The following IL1R1 variants were observed in gnomAD, a reference collection of about 807,000 sequenced individuals.
The protein encoded by IL1R1 is interleukin-1 receptor type 1.
A neutral mutation model predicts 50.2 loss-of-function variants in IL1R1; 22 were observed. The observed-to-expected ratio is 0.44, with a 90% CI of 0.31 to 0.63. IL1R1 has a LOEUF of 0.63. Ranked by LOEUF, IL1R1 falls within the 20% of genes least tolerant of loss-of-function variation. The pLI is 0.07. For synonymous variants in IL1R1, 251 were observed against 236.7 expected, an observed-to-expected ratio of 1.06 and a Z score of -0.55; for missense variants, 509 against 676.2, an observed-to-expected ratio of 0.75 and a Z score of 2.74.
chr2:102,072,219 C>T (rs972462123), intron 1 of IL1R1, among the ~76,000 whole-genome samples: 6 of 149,582 alleles, frequency 4.0e-5, no homozygotes, highest in African/African-American at 1.5e-4. Context: ...GAGATTGTGC[C>T]ATTGCACTCC....
chr2:102,139,628 C>T (rs1470447367), upstream of IL1R1, among the ~76,000 whole-genome samples: 3 of 152,242 alleles, frequency 2.0e-5, no homozygotes, highest in Non-Finnish European at 4.4e-5. Flanking sequence ...GGGCCATCCC[C>T]TTGGTGATAA....
At chr2:102,080,600 C>T (rs1443060749) in intron 1 of IL1R1, among the ~76,000 whole-genome samples, 8 of 152,158 alleles carry the variant, frequency 5.3e-5, no homozygotes, top group East Asian at 3.9e-4. Flanking sequence ...AACTGGTACA[C>T]TCATTTATTA....
At chr2:102,150,506 T>G (rs1287205373) in intron 1 of IL1R1, among the ~76,000 whole-genome samples, 3 of 152,254 alleles carry the variant, frequency 2.0e-5, no homozygotes, top group South Asian at 2.1e-4. Flanking sequence ...CATTTTGTCT[T>G]TAATCAACAA....
At chr2:102,099,637 G>T (rs1472796793), upstream of IL1R1, among the ~76,000 whole-genome samples, 1 of 152,132 alleles carries the variant, frequency 6.6e-6, no homozygotes, top group Non-Finnish European at 1.5e-5. Context: ...GAGCGTGTCT[G>T]AGGGCATTCT....
intron 1 of IL1R1, among the ~76,000 whole-genome samples, chr2:102,112,269 G>C (rs1861282): frequency 0.57 from 86,619 of 150,910 alleles, 25,161 homozygotes; most frequent in Admixed American, 0.6. Flanking sequence ...CGGCAAAACT[G>C]TCCTAAGTGG....
chr2:102,111,577 AG>A (rs1448255777), intron 1 of IL1R1, among the ~76,000 whole-genome samples: 1 of 152,184 alleles, frequency 6.6e-6, no homozygotes, highest in East Asian at 1.9e-4. Flanking sequence ...GGATGATGAG[AG>A]GAAGAAGGAG....
At position 102,171,840 on chromosome 2, in the gene IL1R1, T is replaced by C. The variant is rs1384462006; in HGVS notation, c.761T>C (p.Leu254Ser). 1 of 1,609,118 alleles carries C rather than the reference T, an allele frequency of 6.2e-7. No individual in the cohort carries two copies. The highest frequency in any genetic ancestry group is 8.5e-7 in the Non-Finnish European group (1 of 1,176,294). The change falls in exon 8 of 12, where the codon TTG becomes TCG. Residue 254 changes from leucine to serine, a missense_variant. Physicochemically the swap from Leu to Ser is moderately radical, Grantham distance 145. Coordinates refer to ENST00000410023, the MANE Select transcript of IL1R1 (RefSeq NM_000877.4). ...IQLICNVTGQLSDIAYWKWNG... is the reference protein window; with the variant it reads ...IQLICNVTGQSSDIAYWKWNG... ...TTGATCTGTAATGTCACCGGCCAGTTGAGTGACATTGCTTACTGGAAGTGG... is the reference window on the plus strand; with the variant it reads ...TTGATCTGTAATGTCACCGGCCAGTCGAGTGACATTGCTTACTGGAAGTGG...
chr2:102,110,504 C>T (rs1021893484), intron 1 of IL1R1, among the ~76,000 whole-genome samples: 6 of 141,588 alleles, frequency 4.2e-5, no homozygotes, highest in African/African-American at 7.9e-5. Context: ...TCCATGTGCT[C>T]GTCAACAGTG....
intron 1 of IL1R1, among the ~76,000 whole-genome samples, chr2:102,076,792 G>A (rs1193431262): frequency 1.3e-5 from 2 of 151,856 alleles, no homozygotes; most frequent in Admixed American, 1.3e-4. Flanking sequence ...CATATTTTTT[G>A]TATTAGGGCT....
At chr2:102,112,704 T>C (rs1680840144) in intron 1 of IL1R1, among the ~76,000 whole-genome samples, 1 of 152,216 alleles carries the variant, frequency 6.6e-6, no homozygotes, top group South Asian at 2.1e-4. Flanking sequence ...TGTGTCTGTG[T>C]TAAGTGTAAT....
rs188659895 is a variant in IL1R1 at position 102,159,489 on chromosome 2, G to A, written c.61+1704G>A. Reference sequence around the variant, plus strand: ...GCCTTCTATGCAATTTCCTGGGCATGCACACAGCCCTGCATACATGCCCAC... The same window carrying A: ...GCCTTCTATGCAATTTCCTGGGCATACACACAGCCCTGCATACATGCCCAC... On this transcript the variant is annotated intron_variant, in intron 3 of 11. Transcript: ENST00000410023. Among the ~76,000 whole-genome samples the A allele has an allele frequency of 2.0e-5, 3 of 152,310 alleles. No homozygotes were observed. In the East Asian group the frequency reaches 5.8e-4, roughly 29 times the overall value.
intron 1 of IL1R1, among the ~76,000 whole-genome samples, chr2:102,114,108 C>G (rs1680934164): frequency 6.6e-6 from 1 of 152,172 alleles, no homozygotes; most frequent in Admixed American, 6.5e-5. Context: ...CATTCAGGCT[C>G]TCTTCTGCCA....
intron 1 of IL1R1, among the ~76,000 whole-genome samples, chr2:102,134,213 A>G (rs548307662): frequency 1.3e-5 from 2 of 152,196 alleles, no homozygotes; most frequent in South Asian, 2.1e-4. Context: ...TTGATGGCAG[A>G]GACTATTCTG....
At chr2:102,151,197 C>T (rs1041221923) in intron 1 of IL1R1, among the ~76,000 whole-genome samples, 8 of 152,228 alleles carry the variant, frequency 5.3e-5, no homozygotes, top group South Asian at 2.1e-4. Flanking sequence ...CATCCCCACC[C>T]CTCAACTCTT....
chr2:102,106,903 T>C (rs1212644266), intron 1 of IL1R1, among the ~76,000 whole-genome samples: 1 of 152,180 alleles, frequency 6.6e-6, no homozygotes, highest in Non-Finnish European at 1.5e-5. Flanking sequence ...ACAACTATGT[T>C]CTTCTCTTAT....
Position 102,088,468 on chromosome 2 carries a change from A to G in IL1R1, c.-84+17935A>G, listed in dbSNP as rs111482476. Among the ~76,000 whole-genome samples the G allele has an allele frequency of 3.6e-3, 550 of 152,138 alleles. 6 individuals are homozygous for G. Among genetic ancestry groups the G allele is most frequent in the African/African-American group, 0.012 (511 of 41,494 alleles). ...TAGCTCTCAACAGTGGGCTTAAAAT[A>G]TTCAGTAAACCATGCTGTAAACAGA... On this transcript the variant is annotated intron_variant, in intron 1 of 11. Coordinates refer to the IL1R1 transcript ENST00000409929.
chr2:102,107,205 T>C (rs1680466344), intron 1 of IL1R1, among the ~76,000 whole-genome samples: 1 of 152,180 alleles, frequency 6.6e-6, no homozygotes, highest in South Asian at 2.1e-4. Flanking sequence ...ATGTTTATTG[T>C]GGCACTATTC....
chr2:102,129,417 T>G (rs1189592221), intron 1 of IL1R1, among the ~76,000 whole-genome samples: 1 of 152,156 alleles, frequency 6.6e-6, no homozygotes, highest in African/African-American at 2.4e-5. Context: ...GTGCTTGAAA[T>G]CTAGAAATTT....
chr2:102,132,413 G>A (rs1407755487), intron 1 of IL1R1, among the ~76,000 whole-genome samples: 2 of 152,094 alleles, frequency 1.3e-5, no homozygotes, highest in African/African-American at 4.8e-5. Flanking sequence ...CTATTTTAGG[G>A]TTCCTGTATG....
Sources: gnomAD v4.1 joint callset for allele counts (sites outside exome capture counted in the v4.1 genomes callset) on GRCh38, gnomAD v4.1.1 for gene constraint, MANE v1.5 for transcripts, NCBI Gene and HGNC (gene_info 2026-07-23, HGNC 2026-07-21) for gene names.